Variants in NUS1 observed in about 807,000 individuals in gnomAD.
The protein encoded by NUS1 is NUS1 dehydrodolichyl diphosphate synthase subunit, also known as dehydrodolichyl diphosphate synthase complex subunit NUS1.
For synonymous variants in NUS1, 135 were observed against 155.2 expected (o/e 0.87, Z 0.97); for missense variants, 292 against 382.9 (o/e 0.76, Z 1.98).
intron 1 of NUS1, among the ~76,000 whole-genome samples, chr6:117,687,177 A>T (rs1426998220): frequency 6.6e-6 from 1 of 152,030 alleles, no homozygotes; most frequent in African/African-American, 2.4e-5. Flanking sequence ...TTTTAGTGGA[A>T]CTTCTGCCTG....
chr6:117,685,900 T>C (rs1172866835), intron 1 of NUS1, among the ~76,000 whole-genome samples: 1 of 151,090 alleles, frequency 6.6e-6, no homozygotes, highest in Non-Finnish European at 1.5e-5. Flanking sequence ...AGGTGGAGGT[T>C]GCAGTGAGCC....
At chr6:117,692,039 A>T (rs1374328565) in intron 1 of NUS1, among the ~76,000 whole-genome samples, 1 of 152,128 alleles carries the variant, frequency 6.6e-6, no homozygotes, top group Non-Finnish European at 1.5e-5. Flanking sequence ...AGGGATATTG[A>T]AATGAATATA....
At chr6:117,687,050 T>C (rs1773151869) in intron 1 of NUS1, among the ~76,000 whole-genome samples, 2 of 152,324 alleles carry the variant, frequency 1.3e-5, no homozygotes, top group South Asian at 4.1e-4. Context: ...TCAGAAACCA[T>C]ACCTTTAAAT....
intron 3 of NUS1, among the ~76,000 whole-genome samples, chr6:117,700,434 A>T (rs1012216954): frequency 2.6e-5 from 4 of 152,232 alleles, no homozygotes; most frequent in African/African-American, 9.6e-5. Flanking sequence ...TTAGACCTAC[A>T]ATAACATATT....
chr6:117,693,729 TTAGC>T (rs1406996610), intron 2 of NUS1, among the ~76,000 whole-genome samples: 41 of 152,356 alleles, frequency 2.7e-4, no homozygotes, highest in African/African-American at 9.4e-4. Context: ...TGAAAATTTG[TTAGC>T]TAGCCTATAA....
intron 3 of NUS1, among the ~76,000 whole-genome samples, chr6:117,695,421 C>G (rs1386650594): frequency 1.3e-5 from 2 of 152,030 alleles, no homozygotes; most frequent in Non-Finnish European, 2.9e-5. Context: ...GAGTAGTAGA[C>G]CATTATGGGG....
chr6:117,710,536 T>A lies in NUS1; in HGVS notation c.*3521T>A, dbSNP rs1159953217. ...AACAAAGGAATGTAACCTTATTGAT[T>A]ACATTTTTGGTGATCACCGAGAATT... On this transcript the variant is annotated 3_prime_UTR_variant, in exon 5 of 5. Transcript: ENST00000368494. The A allele has an allele frequency of 2.0e-5, 3 of 152,116 alleles. No individual in the cohort carries two copies. Among genetic ancestry groups the A allele is most frequent in the African/African-American group, 7.2e-5 (3 of 41,448 alleles). 9.4% of individuals were successfully genotyped at this position (152,116 alleles called of 1,614,324 possible). A position where few individuals can be genotyped will look rare whatever the true frequency, so the allele number is the denominator to read the frequency against.
At chr6:117,698,359 A>G (rs2114690438) in intron 3 of NUS1, among the ~76,000 whole-genome samples, 1 of 152,258 alleles carries the variant, frequency 6.6e-6, no homozygotes, top group East Asian at 1.9e-4. Flanking sequence ...TGCTACAGAA[A>G]TTCAAAGGAT....
chr6:117,676,230 T>C (rs1772978596), intron 1 of NUS1, 145 bp downstream of exon 1: 1 of 1,260,494 alleles, frequency 7.9e-7, no homozygotes, highest in Admixed American at 2.6e-5. Flanking sequence ...GAGATCAGCT[T>C]TATTGAACAC....
chr6:117,687,444 C>T (rs997157696), intron 1 of NUS1, among the ~76,000 whole-genome samples: 7 of 152,020 alleles, frequency 4.6e-5, no homozygotes, highest in East Asian at 1.9e-4. Context: ...GTAGAATATT[C>T]GTTTATTAAC....
At chr6:117,685,534 T>C (rs1436691634) in intron 1 of NUS1, among the ~76,000 whole-genome samples, 4 of 152,060 alleles carry the variant, frequency 2.6e-5, no homozygotes, top group Non-Finnish European at 2.9e-5. Context: ...AATTCTTTTA[T>C]AAAGACAGGG....
chr6:117,691,421 C>A (rs1660404018), intron 1 of NUS1, among the ~76,000 whole-genome samples: 1 of 151,610 alleles, frequency 6.6e-6, no homozygotes. Flanking sequence ...GTTTAACCTT[C>A]AGAGTTCATC....
Position 117,709,015 on chromosome 6 carries a change from C to G in NUS1, c.*2000C>G, listed in dbSNP as rs998409147. Reference sequence around the variant, plus strand: ...CATAAGTATATACTTGAAAGTACATCTGTAGCCTATGATTTGAGTCTCTTG... The same window carrying G: ...CATAAGTATATACTTGAAAGTACATGTGTAGCCTATGATTTGAGTCTCTTG... On this transcript the variant is annotated 3_prime_UTR_variant, in exon 5 of 5. Coordinates refer to ENST00000368494, the MANE Select transcript of NUS1 (RefSeq NM_138459.5). 19 of 152,106 alleles carry G rather than the reference C, an allele frequency of 1.2e-4. No homozygotes were observed. Among genetic ancestry groups the G allele is most frequent in the Non-Finnish European group, 2.1e-4 (14 of 67,984 alleles). 9.4% of individuals were successfully genotyped at this position (152,106 alleles called of 1,614,324 possible).
intron 1 of NUS1, among the ~76,000 whole-genome samples, chr6:117,682,802 A>T (rs1055903427): frequency 8.5e-5 from 13 of 152,184 alleles, no homozygotes; most frequent in African/African-American, 2.9e-4. Context: ...TTTGTGCTTA[A>T]CCGTTACATT....
intron 3 of NUS1, among the ~76,000 whole-genome samples, chr6:117,699,450 CAATG>C (rs1442169492): frequency 6.6e-6 from 1 of 152,010 alleles, no homozygotes; most frequent in African/African-American, 2.4e-5. Context: ...AAGATCTCTA[CAATG>C]AATACTATGA....
intron 1 of NUS1, among the ~76,000 whole-genome samples, chr6:117,691,576 T>TATATATATATATAG (rs1325814387): frequency 6.8e-6 from 1 of 146,506 alleles, no homozygotes; most frequent in South Asian, 2.1e-4. Flanking sequence ...TATATATATA[T>TATATATATATATAG]ATATATATAT....
At chr6:117,680,084 G>C (rs887174171) in intron 1 of NUS1, among the ~76,000 whole-genome samples, 4 of 152,112 alleles carry the variant, frequency 2.6e-5, no homozygotes, top group Admixed American at 2.6e-4. Context: ...CTATTATATT[G>C]ACCTTAATTT....
intron 1 of NUS1, among the ~76,000 whole-genome samples, chr6:117,688,046 G>A (rs1225703659): frequency 6.6e-6 from 1 of 152,066 alleles, no homozygotes; most frequent in African/African-American, 2.4e-5. Context: ...GCAAAACCCT[G>A]TCTCTACAAA....
chr6:117,684,080 A>G (rs1773101930), intron 1 of NUS1, among the ~76,000 whole-genome samples: 1 of 152,130 alleles, frequency 6.6e-6, no homozygotes. Context: ...GGTGTCCTAG[A>G]GTTTGGAGCT....
Sources: allele counts gnomAD v4.1 joint callset (sites outside exome capture counted in the v4.1 genomes callset), GRCh38; gene constraint gnomAD v4.1.1; transcripts MANE v1.5; gene names NCBI Gene and HGNC (gene_info 2026-07-23, HGNC 2026-07-21).